The following SINHCAF variants were observed in gnomAD, a reference collection of about 807,000 sequenced individuals.
SINHCAF encodes SIN3-HDAC complex associated factor, also known as SIN3-HDAC complex-associated factor.
In SINHCAF, 3 loss-of-function variants were observed where a neutral mutation model predicts 25.8. The ratio of observed to expected loss-of-function variants is 0.12; its 90% CI spans 0.05 to 0.30. The LOEUF is 0.30. Among genes scored for constraint, SINHCAF ranks in the 10% least tolerant of loss-of-function variants. The pLI is 1.00. For synonymous variants in SINHCAF, 70 were observed against 85.5 expected, an observed-to-expected ratio of 0.82 and a Z score of 1.00; for missense variants, 121 against 262.3, an observed-to-expected ratio of 0.46 and a Z score of 3.72.
chr12:31,308,926 G>A (rs1383265056), intron 1 of SINHCAF, among the ~76,000 whole-genome samples: 3 of 151,772 alleles, frequency 2.0e-5, no homozygotes, highest in South Asian at 4.2e-4. Context: ...TCAGGAGTTC[G>A]AGACCAGCCT....
At chr12:31,304,637 G>A (rs1938951320) in intron 1 of SINHCAF, 1 of 152,160 alleles carries the variant, frequency 6.6e-6, no homozygotes, top group African/African-American at 2.4e-5. Context: ...ACATTTGGAG[G>A]GAACTGATGT....
rs1263867007 is a variant in SINHCAF, at chr12:31,282,739, A to G, written c.639T>C (p.Pro213=). ...ACCACTCCTGAGTGGAGATGGGCAG[A>G]GGCTCTGGCCCCTGCTCCTCTGGCT... ...AEKPEEQGPE[P]LPISTQEW is the part of the protein sequence containing the mutation. The change falls in exon 6 of 6, where the codon CCT becomes CCC. Residue 213 remains proline (P), a synonymous_variant. Transcript: ENST00000337682. 5.0e-6 allele frequency: 8 copies of G among 1,603,258 alleles called. No homozygotes were observed. The highest frequency in any genetic ancestry group is 1.8e-5 in the Admixed American group (1 of 57,058).
intron 1 of SINHCAF, among the ~76,000 whole-genome samples, chr12:31,305,696 A>ATTTTTT (rs751436938): frequency 7.6e-6 from 1 of 130,768 alleles, no homozygotes; most frequent in East Asian, 2.2e-4. Flanking sequence ...ATATAGGCCA[A>ATTTTTT]TTTTTTTTTT....
intron 1 of SINHCAF, among the ~76,000 whole-genome samples, chr12:31,316,657 TTTATA>T (rs1408925507): frequency 6.6e-6 from 1 of 152,200 alleles, no homozygotes; most frequent in Non-Finnish European, 1.5e-5. Context: ...ACAGCGATAG[TTTATA>T]TTAAAGACGC....
chr12:31,285,422 C>CACACAA (rs1938010941), intron 5 of SINHCAF, among the ~76,000 whole-genome samples: 1 of 144,636 alleles, frequency 6.9e-6, no homozygotes, highest in Admixed American at 6.8e-5. Flanking sequence ...TATACATACA[C>CACACAA]ACACACACAC....
At position 31,288,245 on chromosome 12, in the gene SINHCAF, A is replaced by C. The variant is rs80234489; in HGVS notation, c.356-461T>G. Among the ~76,000 whole-genome samples the C allele has an allele frequency of 9.9e-3, 1,502 of 152,268 alleles. 90 individuals are homozygous for C. The East Asian group carries it at 0.17, about 17-fold the overall frequency. On this transcript the variant is annotated intron_variant, in intron 4 of 5. Transcript: ENST00000337682. ...AACAAAAATCCAAAACCCCAATTAA[A>C]ACCTGATCTCTCTAGCAAAGAACTA...
At chr12:31,297,626 C>T (rs1241122278) in intron 2 of SINHCAF, among the ~76,000 whole-genome samples, 2 of 151,758 alleles carry the variant, frequency 1.3e-5, no homozygotes, top group East Asian at 3.9e-4. Context: ...GTGTGCACCA[C>T]CACGCCCAGC....
At chr12:31,302,332 AT>A (rs773250240) in intron 1 of SINHCAF, among the ~76,000 whole-genome samples, 7 of 152,032 alleles carry the variant, frequency 4.6e-5, no homozygotes, top group Non-Finnish European at 8.8e-5. Flanking sequence ...AGTGAATCTT[AT>A]GGTATATAAA....
chr12:31,325,018 C>T lies in SINHCAF; in HGVS notation c.-21+1006G>A, dbSNP rs1219121223. 4.4e-6 allele frequency: 2 copies of T among 456,696 alleles called. No individual in the cohort carries two copies. Among genetic ancestry groups the T allele is most frequent in the African/African-American group, 2.0e-5 (1 of 50,110 alleles). 28.3% of individuals were successfully genotyped at this position (456,696 alleles called of 1,614,324 possible). A position where few individuals can be genotyped will look rare whatever the true frequency, so the allele number is the denominator to read the frequency against. The stretch of plus-strand genomic sequence containing the variant: ...CGGGGCTGGACATTCGGACAAGGAC[C>T]AGGGTCGCAGCCCGAAGCACGTGGT... On this transcript the variant is annotated intron_variant, in intron 1 of 5. Coordinates refer to ENST00000337682, the MANE Select transcript of SINHCAF (RefSeq NM_001135812.2). This position sits in a 1 kb window ranked among gnomAD's most constrained non-coding sequence, Gnocchi z 5.9.
rs142374935 is a variant in SINHCAF, at chr12:31,314,377, A to G, written c.-21+11647T>C. On this transcript the variant is annotated intron_variant, in intron 1 of 5. Transcript: ENST00000337682. ...GTCTCTACTAAAAATACAAAAAAAA[A>G]TAGCCGGGCGTGGTGGCGGGCGCCT... Among the ~76,000 whole-genome samples the G allele has an allele frequency of 6.0e-3, 919 of 152,060 alleles. 13 individuals carry two copies. The highest frequency in any genetic ancestry group is 0.021 in the African/African-American group (872 of 41,480).
At chr12:31,307,482 G>A (rs543174032) in intron 1 of SINHCAF, among the ~76,000 whole-genome samples, 1 of 152,250 alleles carries the variant, frequency 6.6e-6, no homozygotes, top group South Asian at 2.1e-4. Context: ...CTGAGCCCAG[G>A]AGGTCAAGGC....
At chr12:31,289,144 C>T (rs1938202670) in intron 4 of SINHCAF, among the ~76,000 whole-genome samples, 1 of 152,132 alleles carries the variant, frequency 6.6e-6, no homozygotes, top group African/African-American at 2.4e-5. Context: ...AACAAATGAA[C>T]AGAGCAGGAG....
chr12:31,294,430 G>A (rs1938464841), intron 3 of SINHCAF, among the ~76,000 whole-genome samples: 1 of 152,120 alleles, frequency 6.6e-6, no homozygotes, highest in Non-Finnish European at 1.5e-5. Context: ...GGTGGAGAGG[G>A]GAGAAGATTG....
At chr12:31,319,687 T>G (rs753081709) in intron 1 of SINHCAF, among the ~76,000 whole-genome samples, 3 of 152,148 alleles carry the variant, frequency 2.0e-5, no homozygotes, top group Non-Finnish European at 4.4e-5. Flanking sequence ...ACATTTCAGG[T>G]ATCATTTTGC....
chr12:31,323,057 C>CCTCCCCAGCCAG (rs1420092475), intron 1 of SINHCAF, among the ~76,000 whole-genome samples: 95 of 152,132 alleles, frequency 6.2e-4, no homozygotes, highest in African/African-American at 2.0e-3. Context: ...TGAGCAGCTT[C>CCTCCCCAGCCAG]CTCCCCAGCC....
chr12:31,302,909 C>G (rs1414808788), intron 1 of SINHCAF: 1 of 983,556 alleles, frequency 1.0e-6, no homozygotes, highest in Non-Finnish European at 1.2e-6. Context: ...CACAAAGGGT[C>G]AGCCTTAGTT....
intron 1 of SINHCAF, among the ~76,000 whole-genome samples, chr12:31,315,983 T>A (rs546369024): frequency 6.6e-6 from 1 of 152,186 alleles, no homozygotes; most frequent in Admixed American, 6.5e-5. Flanking sequence ...CTGACCAACA[T>A]GACGCAACCC....
In SINHCAF at chr12:31,281,924, C is replaced by G. The variant is rs1937816953; in HGVS notation, c.*788G>C. The stretch of plus-strand genomic sequence containing the variant: ...ATTTGCAACAGAAAGCTCAGTCTGT[C>G]CTGCTTAATAATCAGTAGTACAGGT... On this transcript the variant is annotated 3_prime_UTR_variant, in exon 6 of 6. Transcript: ENST00000337682. The G allele has an allele frequency of 6.6e-6, 1 of 152,370 alleles. No individual in the cohort carries two copies. Among genetic ancestry groups the G allele is most frequent in the African/African-American group, 2.4e-5 (1 of 41,444 alleles). 9.4% of individuals were successfully genotyped at this position (152,370 alleles called of 1,614,324 possible).
At chr12:31,296,072 TA>T (rs1938537516) in intron 2 of SINHCAF, among the ~76,000 whole-genome samples, 1 of 151,954 alleles carries the variant, frequency 6.6e-6, no homozygotes, top group African/African-American at 2.4e-5. Flanking sequence ...AATTAAAGAG[TA>T]AAACTCAAGA....
Sources: allele counts gnomAD v4.1 joint callset (sites outside exome capture counted in the v4.1 genomes callset), GRCh38; gene constraint gnomAD v4.1.1; non-coding constraint Gnocchi (gnomAD v3.1); transcripts MANE v1.5; gene names NCBI Gene and HGNC (gene_info 2026-07-23, HGNC 2026-07-21).